The following CYP4F11 variants were observed in gnomAD, a reference collection of about 807,000 sequenced individuals.
CYP4F11 encodes the protein cytochrome P450 family 4 subfamily F member 11.
In CYP4F11, 79 loss-of-function variants were observed where a neutral mutation model predicts 62.2. That is an observed-to-expected ratio of 1.27 (90% CI 1.06 to 1.53). The LOEUF is 1.53. Among genes scored for constraint, CYP4F11 ranks in the 40% most tolerant of loss-of-function variants. The pLI is 0.00. For missense variants in CYP4F11, 777 were observed against 680.5 expected (o/e 1.14, Z -1.58); for synonymous variants, 290 against 263.7 (o/e 1.10, Z -0.97).
Position 15,922,365 on chromosome 19 carries a change from C to T in CYP4F11, c.984G>A (p.Glu328=), listed in dbSNP as rs1830656643. The stretch of plus-strand genomic sequence containing the variant: ...GTAGTCCCACACTGAGACCCTCACC[C>T]TCAAACATGAAGGTGTCAGCTTCTG... ...IRAEADTFMF[E]GHDTTASGLS... Residue 328 remains glutamate (E), a splice_region_variant and synonymous_variant, in exon 7 of 12, where the codon GAG becomes GAA. Coordinates refer to ENST00000402119, the MANE Select transcript of CYP4F11 (RefSeq NM_021187.4). 1 of 1,614,008 alleles carries T rather than the reference C, an allele frequency of 6.2e-7. No homozygotes were observed. Among genetic ancestry groups the T allele is most frequent in the African/African-American group, 1.3e-5 (1 of 74,914 alleles).
rs1796309568 is a variant in CYP4F11 at position 15,922,431 on chromosome 19, C to A, written c.919-1G>T. On this transcript the variant is annotated splice_acceptor_variant, in intron 6 of 11. Transcript: ENST00000402119. LOFTEE classifies it high-confidence loss of function. Reference sequence around the variant, plus strand: ...CAGACAATTCCTTCCCATCTTCATCCTGGAGAGAAGGCAAGACAATATCCC... The same window carrying A: ...CAGACAATTCCTTCCCATCTTCATCATGGAGAGAAGGCAAGACAATATCCC... 2 of 1,613,960 alleles carry A rather than the reference C, an allele frequency of 1.2e-6. No homozygotes were observed. Among genetic ancestry groups the A allele is most frequent in the African/African-American group, 2.7e-5 (2 of 74,914 alleles).
At position 15,921,054 on chromosome 19, in the gene CYP4F11, GTCTCTCTCTCTCTCTCTCTCTCTCTC is replaced by G. The variant is rs60842401; in HGVS notation, c.1115+957_1115+982del. Reference sequence around the variant, plus strand: ...TTGGTCTCTCTCTCTCTCTCTTTCTGTCTCTCTCTCTCTCTCTCTCTCTCTCTCTCTCTCTCTCTCTCTCTCTCTCC... The same window carrying G: ...TTGGTCTCTCTCTCTCTCTCTTTCTGTCTCTCTCTCTCTCTCTCTCTCTCC... On this transcript the variant is annotated intron_variant, in intron 8 of 11. Coordinates refer to ENST00000402119, the MANE Select transcript of CYP4F11 (RefSeq NM_021187.4). Among the ~76,000 whole-genome samples the G allele has an allele frequency of 4.1e-3, 501 of 122,468 alleles. 7 individuals are homozygous for G. The highest frequency in any genetic ancestry group is 0.015 in the South Asian group (56 of 3,652). 80.3% of individuals were successfully genotyped at this position (122,468 alleles called of 152,430 possible).
chr19:15,920,203 A>C lies in CYP4F11; in HGVS notation c.1115+1834T>G, dbSNP rs375604407. On this transcript the variant is annotated intron_variant, in intron 8 of 11. Coordinates refer to ENST00000402119, the MANE Select transcript of CYP4F11 (RefSeq NM_021187.4). ...AAATATATATAATCAAAATTTGTCAATTAAAAATAAAGACAAATTAAAAAA... is the reference window on the plus strand; with the variant it reads ...AAATATATATAATCAAAATTTGTCACTTAAAAATAAAGACAAATTAAAAAA... Among the ~76,000 whole-genome samples, 80 of 152,360 alleles carry C rather than the reference A, an allele frequency of 5.3e-4. 1 individual carries two copies. The highest frequency in any genetic ancestry group is 6.8e-3 in the Middle Eastern group (2 of 294).
At chr19:15,934,694 C>A (rs930012351), upstream of CYP4F11, 36 of 351,954 alleles carry the variant, frequency 1.0e-4, no homozygotes, top group Non-Finnish European at 1.8e-4. Flanking sequence ...GTCCAGTTAC[C>A]AGGAAATCAC....
At chr19:15,931,589 G>A (rs866905710) in intron 1 of CYP4F11, among the ~76,000 whole-genome samples, 2,728 of 111,258 alleles carry the variant, frequency 0.025, 123 homozygotes, top group African/African-American at 0.038. Context: ...AGCGAGGAGA[G>A]GAATGAGTGA....
chr19:15,927,369 G>A (rs776582323), intron 3 of CYP4F11, 30 bp from the exon 4 acceptor site: 1 of 1,613,972 alleles, frequency 6.2e-7, no homozygotes, highest in East Asian at 2.2e-5. Context: ...CAGTGGTCAA[G>A]GGCAGCACCC....
rs117803090 is a variant in CYP4F11, at chr19:15,920,250, A to G, written c.1115+1787T>C. Among the ~76,000 whole-genome samples, 1,500 of 152,340 alleles carry G rather than the reference A, an allele frequency of 9.8e-3. 12 individuals are homozygous for G. Among genetic ancestry groups the G allele is most frequent in the Admixed American group, 0.016 (240 of 15,302 alleles). Reference sequence around the variant, plus strand: ...AAAACAAACTCATTTTCTAAAACTCATATTTTGAGAAAAACAGAAGATGGT... The same window carrying G: ...AAAACAAACTCATTTTCTAAAACTCGTATTTTGAGAAAAACAGAAGATGGT... On this transcript the variant is annotated intron_variant, in intron 8 of 11. Coordinates refer to ENST00000402119, the MANE Select transcript of CYP4F11 (RefSeq NM_021187.4).
intron 2 of CYP4F11, among the ~76,000 whole-genome samples, chr19:15,929,235 A>T (rs1453776306): frequency 6.6e-6 from 1 of 152,152 alleles, no homozygotes; most frequent in Non-Finnish European, 1.5e-5. Context: ...TTGGAGCCCC[A>T]GTGGTGCCCA....
At chr19:15,932,352 A>G (rs201793783) in intron 1 of CYP4F11, among the ~76,000 whole-genome samples, 1 of 77,998 alleles carries the variant, frequency 1.3e-5, no homozygotes, top group South Asian at 3.6e-4. Context: ...GAGGAGAGGA[A>G]TGAGTGAGCG....
Position 15,934,355 on chromosome 19 carries a change from C to G in CYP4F11, c.54G>C (p.Pro18=), listed in dbSNP as rs202154181. The G allele has an allele frequency of 5.0e-6, 8 of 1,613,318 alleles. No individual in the cohort carries two copies. Among genetic ancestry groups the G allele is most frequent in the South Asian group, 2.2e-5 (2 of 91,040 alleles). The change falls in exon 1 of 12, where the codon CCG becomes CCC. Residue 18 remains proline (P), a synonymous_variant. Transcript: ENST00000402119. ...WLGLGPVAAS[P]WLLLLLVGGS... is the part of the protein sequence containing the mutation. ...CTCCAACCAGCAGCAGAAGCAGCCA[C>G]GGGGATGCTGCCACGGGCCCGAGGC...
At chr19:15,922,551 C>T (rs772289484) in intron 6 of CYP4F11, 121 bp from the exon 7 acceptor site, 32 of 1,024,358 alleles carry the variant, frequency 3.1e-5, no homozygotes, top group Admixed American at 3.1e-4. Flanking sequence ...GCCCATCATG[C>T]ACTCCTAGAT....
At chr19:15,914,547 T>A (rs2089566638) in intron 10 of CYP4F11, 55 bp downstream of exon 10, 1 of 1,604,084 alleles carries the variant, frequency 6.2e-7, no homozygotes, top group Non-Finnish European at 8.5e-7. Context: ...CCCTGTCACC[T>A]CCTCTAGGAA....
intron 1 of CYP4F11, among the ~76,000 whole-genome samples, chr19:15,931,178 A>G (rs1599381503): frequency 6.6e-6 from 1 of 151,826 alleles, no homozygotes; most frequent in East Asian, 1.9e-4. Flanking sequence ...GTGCCTCCAG[A>G]AAAGGAGGCA....
At chr19:15,914,411 T>G (rs376772913) in intron 10 of CYP4F11, 24 bp from the exon 11 acceptor site, 102 of 1,609,648 alleles carry the variant, frequency 6.3e-5, no homozygotes, top group Non-Finnish European at 8.6e-5. Context: ...CAAGAAGGCT[T>G]GCTGGGTGGG....
intron 5 of CYP4F11, among the ~76,000 whole-genome samples, chr19:15,924,408 C>A (rs552669985): frequency 6.6e-6 from 1 of 152,326 alleles, no homozygotes; most frequent in East Asian, 1.9e-4. Flanking sequence ...CCATAACAGA[C>A]TTGCATTCAA....
In CYP4F11 at chr19:15,934,315, C is replaced by A. The variant is rs779706644; in HGVS notation, c.94G>T (p.Ala32Ser). Residue 32 changes from alanine to serine, a missense_variant, in exon 1 of 12, where the codon GCC (alanine) becomes TCC (serine). Transcript: ENST00000402119. Reference protein sequence around the residue: ...LLLVGGSWLLARVLAWTYTFY... With the variant: ...LLLVGGSWLLSRVLAWTYTFY... ...GTGTAGGTCCAGGCCAGGACGCGGGCCAGGAGCCAGGAGCCTCCAACCAGC... is the reference window on the plus strand; with the variant it reads ...GTGTAGGTCCAGGCCAGGACGCGGGACAGGAGCCAGGAGCCTCCAACCAGC... 6.2e-7 allele frequency: 1 copy of A among 1,613,374 alleles called. No individual in the cohort carries two copies. Among genetic ancestry groups the A allele is most frequent in the Non-Finnish European group, 8.5e-7 (1 of 1,179,656 alleles).
At position 15,913,218 on chromosome 19, in the gene CYP4F11, G is replaced by A. The variant is rs182897866; in HGVS notation, c.*514C>T. The stretch of plus-strand genomic sequence containing the variant: ...AAGGGAAGAGAGTCACAGAGAGAAC[G>A]CACTGGGAGGGGGAGAAACAGGGGT... On this transcript the variant is annotated 3_prime_UTR_variant, in exon 12 of 12. Transcript: ENST00000402119. 9.4e-4 allele frequency: 153 copies of A among 162,878 alleles called. 2 individuals are homozygous for A. The highest frequency in any genetic ancestry group is 4.2e-3 in the South Asian group (28 of 6,676). The allele number at this position is 162,878 out of a possible 1,614,324, so 10.1% of individuals were successfully genotyped here. A position where few individuals can be genotyped will look rare whatever the true frequency, so the allele number is the denominator to read the frequency against.
intron 5 of CYP4F11, 92 bp from the exon 6 acceptor site, chr19:15,924,174 T>C (rs1335039032): frequency 2.7e-6 from 4 of 1,477,042 alleles, no homozygotes; most frequent in Non-Finnish European, 3.7e-6. Flanking sequence ...GGAAATTGAG[T>C]ATCCAGAAAC....
intron 1 of CYP4F11, among the ~76,000 whole-genome samples, chr19:15,931,561 C>CGAGGAGAGGAGTGAGTGAGT (rs2089719700): frequency 1.6e-5 from 1 of 61,556 alleles, no homozygotes; most frequent in African/African-American, 6.1e-5. Flanking sequence ...AATGAGTGAG[C>CGAGGAGAGGAGTGAGTGAGT]GAGGAGAGGA....
Sources: gnomAD v4.1 joint callset for allele counts (sites outside exome capture counted in the v4.1 genomes callset) on GRCh38, gnomAD v4.1.1 for gene constraint, MANE v1.5 for transcripts, NCBI Gene and HGNC (gene_info 2026-07-23, HGNC 2026-07-21) for gene names.